The following CNGA1 variants were observed in gnomAD, a reference collection of about 807,000 sequenced individuals.
CNGA1 encodes cyclic nucleotide-gated channel alpha-1.
Under a neutral mutation model 69.7 loss-of-function variants are expected in CNGA1, and 53 were observed. The observed-to-expected ratio is 0.76, with a 90% CI of 0.61 to 0.96. The LOEUF (loss-of-function observed/expected upper bound fraction) is 0.96. CNGA1 is among the 40% of genes least tolerant of loss of function. The probability of loss-of-function intolerance (pLI) is 0.00; values close to 1 mark genes in which losing one functional copy is unlikely to be tolerated. For synonymous variants in CNGA1, 249 were observed against 283.5 expected, an observed-to-expected ratio of 0.88 and a Z score of 1.22; for missense variants, 739 against 811.2, an observed-to-expected ratio of 0.91 and a Z score of 1.08.
chr4:47,958,793 G>T (rs764442389), intron 3 of CNGA1, among the ~76,000 whole-genome samples: 1 of 152,094 alleles, frequency 6.6e-6, no homozygotes, highest in Non-Finnish European at 1.5e-5. Flanking sequence ...GTTCATACAG[G>T]AGCTCTTGAA....
chr4:47,963,374 G>A (rs1424462074), intron 3 of CNGA1, among the ~76,000 whole-genome samples: 2 of 152,196 alleles, frequency 1.3e-5, no homozygotes, highest in Non-Finnish European at 2.9e-5. Context: ...AATGTCACTT[G>A]AGCCAACCTT....
In CNGA1 at chr4:47,937,825, G is replaced by A. The variant is rs758573260; in HGVS notation, c.657C>T (p.Tyr219=). ...CCTTTACCAGCAGTCCTTGTTCTAG[G>A]TAACCTAAAATAGAAAATAAAATCA... is the stretch of plus-strand genomic sequence containing the variant. ...IDMFVRTRTG[Y]LEQGLLVKEE... Residue 219 remains tyrosine, a synonymous_variant, in exon 11 of 11, where the codon TAC becomes TAT. Coordinates refer to ENST00000514170, the MANE Select transcript of CNGA1 (RefSeq NM_001379270.1). 6.2e-6 allele frequency: 10 copies of A among 1,604,712 alleles called. No individual in the cohort carries two copies. Among genetic ancestry groups the A allele is most frequent in the Non-Finnish European group, 8.5e-6 (10 of 1,172,250 alleles).
At chr4:47,971,168 T>TTG (rs34771990) in intron 3 of CNGA1, 14,468 of 383,282 alleles carry the variant, frequency 0.038, 838 homozygotes, top group African/African-American at 0.19. Context: ...ATATCTATAT[T>TTG]TGTGTGTGTG....
Position 47,940,761 on chromosome 4 carries a change from A to T in CNGA1, c.652+2T>A. On this transcript the variant is annotated splice_donor_variant, in intron 10 of 10. Coordinates refer to ENST00000514170, the MANE Select transcript of CNGA1 (RefSeq NM_001379270.1). LOFTEE classifies it high-confidence loss of function. The stretch of plus-strand genomic sequence containing the variant: ...AAAATATTCAAAACTGAACATATTT[A>T]CCTGTCCTTGTTCGTACAAACATAT... 2 of 1,549,790 alleles carry T rather than the reference A, an allele frequency of 1.3e-6. No individual in the cohort carries two copies. The highest frequency in any genetic ancestry group is 4.5e-5 in the East Asian group (2 of 44,562).
At chr4:47,957,027 G>A (rs1473374842) in intron 3 of CNGA1, among the ~76,000 whole-genome samples, 1 of 152,074 alleles carries the variant, frequency 6.6e-6, no homozygotes, top group Non-Finnish European at 1.5e-5. Flanking sequence ...TCTGCCTCCC[G>A]GGTTCAAGTG....
At chr4:47,983,392 C>A (rs1741831097) in intron 2 of CNGA1, among the ~76,000 whole-genome samples, 1 of 151,780 alleles carries the variant, frequency 6.6e-6, no homozygotes, top group Admixed American at 6.6e-5. Flanking sequence ...AGTTTGAGAC[C>A]AGCCTGACCA....
intron 2 of CNGA1, among the ~76,000 whole-genome samples, chr4:47,998,638 C>T (rs1453710014): frequency 1.3e-5 from 2 of 152,052 alleles, no homozygotes; most frequent in African/African-American, 4.8e-5. Flanking sequence ...ATTAGCTGGG[C>T]AAGGTGGCAC....
At chr4:47,965,945 G>A (rs1740702819) in intron 3 of CNGA1, among the ~76,000 whole-genome samples, 2 of 152,094 alleles carry the variant, frequency 1.3e-5, no homozygotes, top group Admixed American at 1.3e-4. Flanking sequence ...TTCTTTTAGG[G>A]ACTTCGTTGC....
intron 3 of CNGA1, among the ~76,000 whole-genome samples, chr4:47,954,840 G>A (rs1025200748): frequency 6.6e-6 from 1 of 152,194 alleles, no homozygotes; most frequent in African/African-American, 2.4e-5. Flanking sequence ...CTGGGTGTAG[G>A]TGGAGCTGAA....
intron 3 of CNGA1, among the ~76,000 whole-genome samples, chr4:47,958,054 C>T (rs994304088): frequency 2.0e-5 from 3 of 151,808 alleles, no homozygotes; most frequent in Middle Eastern, 3.2e-3. Context: ...GCCACCACAC[C>T]CAGCTAATTT....
chr4:47,992,452 G>A (rs1009212437), intron 2 of CNGA1, among the ~76,000 whole-genome samples: 3 of 150,838 alleles, frequency 2.0e-5, no homozygotes, highest in African/African-American at 7.4e-5. Flanking sequence ...TTGAGTTCTT[G>A]ATTTGATTCT....
intron 3 of CNGA1, among the ~76,000 whole-genome samples, chr4:47,965,274 A>T (rs1740660226): frequency 1.3e-5 from 2 of 152,262 alleles, no homozygotes; most frequent in South Asian, 4.1e-4. Context: ...GCCAATTTTT[A>T]AAATATTAGA....
chr4:47,992,624 T>C (rs962784089), intron 2 of CNGA1, among the ~76,000 whole-genome samples: 1 of 151,976 alleles, frequency 6.6e-6, no homozygotes, highest in Admixed American at 6.6e-5. Context: ...CAGTGACAGT[T>C]TGACTTCATC....
chr4:47,965,042 T>C (rs1740646752), intron 3 of CNGA1, among the ~76,000 whole-genome samples: 1 of 152,194 alleles, frequency 6.6e-6, no homozygotes, highest in African/African-American at 2.4e-5. Context: ...CAAAATTATT[T>C]CCTCTTTTTA....
intron 2 of CNGA1, among the ~76,000 whole-genome samples, chr4:47,984,866 G>A (rs1012263384): frequency 3.9e-5 from 6 of 152,052 alleles, no homozygotes; most frequent in Admixed American, 3.9e-4. Flanking sequence ...ATGACTGCCT[G>A]TTGTTGAATG....
chr4:47,968,245 G>A (rs1740828866), intron 3 of CNGA1, among the ~76,000 whole-genome samples: 1 of 152,088 alleles, frequency 6.6e-6, no homozygotes, highest in Non-Finnish European at 1.5e-5. Flanking sequence ...ATTTTGTTTA[G>A]AAATTAGTAG....
At chr4:47,942,240 A>G in intron 8 of CNGA1, 92 bp from the exon 9 acceptor site, 2 of 818,934 alleles carry the variant, frequency 2.4e-6, no homozygotes, top group East Asian at 2.5e-5. Context: ...ATCAACCACA[A>G]TTAATGAAAT....
chr4:48,007,436 T>C (rs1233869532), intron 2 of CNGA1, among the ~76,000 whole-genome samples: 1 of 152,184 alleles, frequency 6.6e-6, no homozygotes, highest in Non-Finnish European at 1.5e-5. Flanking sequence ...ATTTGAGGCG[T>C]TGAATGGCTT....
At chr4:47,938,695 G>A (rs1380551736) in intron 10 of CNGA1, among the ~76,000 whole-genome samples, 2 of 151,978 alleles carry the variant, frequency 1.3e-5, no homozygotes, top group Non-Finnish European at 2.9e-5. Flanking sequence ...GCGGCCCTAA[G>A]TCCATCTTTT....
Sources: allele counts gnomAD v4.1 joint callset (sites outside exome capture counted in the v4.1 genomes callset), GRCh38; gene constraint gnomAD v4.1.1; transcripts MANE v1.5; gene names NCBI Gene and HGNC (gene_info 2026-07-23, HGNC 2026-07-21).